NPEPPS: variants seen among roughly 807,000 people sequenced by gnomAD.
NPEPPS encodes the protein puromycin-sensitive aminopeptidase.
A neutral mutation model predicts 115.5 loss-of-function variants in NPEPPS; 14 were observed. The observed-to-expected ratio is 0.12, with a 90% CI of 0.08 to 0.19. The LOEUF (loss-of-function observed/expected upper bound fraction) is 0.19, where lower values mean the gene tolerates loss of function less well. NPEPPS is among the 10% of genes least tolerant of loss of function. The probability of loss-of-function intolerance (pLI) is 1.00; values close to 1 mark genes in which losing one functional copy is unlikely to be tolerated. For synonymous variants in NPEPPS, 285 were observed against 390.6 expected (o/e 0.73, Z 3.19); for missense variants, 523 against 1,110.8 (o/e 0.47, Z 7.52).
intron 1 of NPEPPS, among the ~76,000 whole-genome samples, chr17:47,540,113 T>C (rs573873733): frequency 9.9e-5 from 15 of 152,246 alleles, no homozygotes; most frequent in African/African-American, 3.4e-4. Flanking sequence ...AAACTTCCAT[T>C]GTAAAGTTGT....
rs540218032 is a variant in NPEPPS at position 47,572,658 on chromosome 17, G to A, written c.418+3164G>A. On this transcript the variant is annotated intron_variant, in intron 3 of 22. Transcript: ENST00000322157. The stretch of plus-strand genomic sequence containing the variant: ...TAAAAGTGTTAAAAGATGAAGTTGA[G>A]GAAACTTCTAAGCAGTAGAAAAAAC... 2.0e-5 allele frequency among the ~76,000 whole-genome samples: 3 copies of A among 152,202 alleles called. No individual in the cohort carries two copies. The East Asian group carries it at 5.8e-4, about 29-fold the overall frequency.
upstream of NPEPPS, among the ~76,000 whole-genome samples, chr17:47,527,345 G>A (rs1350422699): frequency 2.0e-5 from 3 of 149,274 alleles, no homozygotes; most frequent in African/African-American, 4.9e-5. Flanking sequence ...ATTAACGGGT[G>A]TGGTGGTGGG....
In NPEPPS at chr17:47,575,069, A is replaced by G. The variant is rs576273768; in HGVS notation, c.419-4321A>G. On this transcript the variant is annotated intron_variant, in intron 3 of 22. Transcript: ENST00000322157. The stretch of plus-strand genomic sequence containing the variant: ...GCACTTTTAACCACCACATTGTGCT[A>G]TCTTTATTTTTCAAATTAAATATTT... 3.9e-5 allele frequency among the ~76,000 whole-genome samples: 6 copies of G among 152,368 alleles called. No homozygotes were observed. The South Asian group carries it at 1.0e-3, about 26-fold the overall frequency.
At chr17:47,595,092 A>T (rs1192927065) in intron 12 of NPEPPS, among the ~76,000 whole-genome samples, 1 of 151,442 alleles carries the variant, frequency 6.6e-6, no homozygotes, top group Non-Finnish European at 1.5e-5. Context: ...CACCATGCCC[A>T]GCTAATTTTT....
At chr17:47,555,119 C>A (rs1909914326) in intron 2 of NPEPPS, among the ~76,000 whole-genome samples, 1 of 152,050 alleles carries the variant, frequency 6.6e-6, no homozygotes, top group Non-Finnish European at 1.5e-5. Context: ...TTATGGGTAA[C>A]AAAATTATTT....
intron 2 of NPEPPS, among the ~76,000 whole-genome samples, chr17:47,554,397 T>C (rs1164480962): frequency 7.9e-5 from 12 of 152,100 alleles, no homozygotes; most frequent in African/African-American, 2.9e-4. Flanking sequence ...GCAGAGTCTC[T>C]GTTGCCCAGG....
chr17:47,542,675 C>T (rs1450708522), intron 1 of NPEPPS, among the ~76,000 whole-genome samples: 4 of 152,140 alleles, frequency 2.6e-5, no homozygotes, highest in Non-Finnish European at 5.9e-5. Flanking sequence ...TGCACAGCTT[C>T]CACATGGCTT....
intron 1 of NPEPPS, among the ~76,000 whole-genome samples, chr17:47,538,526 CTTTTTTTTTTT>C (rs1029993473): frequency 1.1e-4 from 11 of 104,420 alleles, no homozygotes; most frequent in African/African-American, 3.8e-4. Flanking sequence ...TATCTGTTTT[CTTTTTTTTTTT>C]TTTTTTTTTG....
At chr17:47,604,361 A>C (rs1357998421) in intron 16 of NPEPPS, among the ~76,000 whole-genome samples, 2 of 152,204 alleles carry the variant, frequency 1.3e-5, no homozygotes, top group Non-Finnish European at 2.9e-5. Flanking sequence ...TAGGTTTTTA[A>C]AATAATTAAG....
chr17:47,598,046 G>A (rs1488279541), intron 13 of NPEPPS, among the ~76,000 whole-genome samples: 1 of 152,180 alleles, frequency 6.6e-6, no homozygotes, highest in African/African-American at 2.4e-5. Flanking sequence ...CTGCACTTGG[G>A]ACTAGTCTTG....
rs962290689 is a variant in NPEPPS, at chr17:47,619,900, G to A, written c.2607+116G>A. On this transcript the variant is annotated intron_variant, in intron 22 of 22. Coordinates refer to ENST00000322157, the MANE Select transcript of NPEPPS (RefSeq NM_006310.4). ...TAGCATCTCTGTGTTTTTGTTTAGA[G>A]AAAGACATCATGCAGGGCTGTATAG... is the stretch of plus-strand genomic sequence containing the variant. The A allele has an allele frequency of 1.6e-5, 14 of 878,710 alleles. No homozygotes were observed. In the African/African-American group the frequency reaches 2.3e-4, roughly 15 times the overall value. 54.4% of individuals were successfully genotyped at this position (878,710 alleles called of 1,614,324 possible). A position where few individuals can be genotyped will look rare whatever the true frequency, so the allele number is the denominator to read the frequency against.
At chr17:47,550,082 A>C (rs1442436056) in intron 2 of NPEPPS, among the ~76,000 whole-genome samples, 3 of 150,544 alleles carry the variant, frequency 2.0e-5, no homozygotes, top group South Asian at 2.1e-4. Flanking sequence ...CTATAGGCGC[A>C]CGCTGCCACG....
intron 2 of NPEPPS, among the ~76,000 whole-genome samples, chr17:47,567,175 CTAAT>C (rs1181019504): frequency 6.6e-6 from 1 of 152,214 alleles, no homozygotes; most frequent in Non-Finnish European, 1.5e-5. Context: ...TGTAGTCTAG[CTAAT>C]TAACATTTGA....
chr17:47,616,419 C>T (rs1381300515), intron 19 of NPEPPS, among the ~76,000 whole-genome samples: 2 of 152,006 alleles, frequency 1.3e-5, no homozygotes, highest in Non-Finnish European at 2.9e-5. Context: ...CGCGGTGGCT[C>T]ACGCCTGCAA....
At chr17:47,579,044 T>C (rs1255628933) in intron 3 of NPEPPS, among the ~76,000 whole-genome samples, 4 of 152,210 alleles carry the variant, frequency 2.6e-5, no homozygotes, top group East Asian at 1.9e-4. Context: ...TAAATAGTTA[T>C]ATATATTTTA....
chr17:47,602,155 TGTAAAATTCCTTAGTTG>T (rs902501083), intron 15 of NPEPPS, among the ~76,000 whole-genome samples: 2 of 152,194 alleles, frequency 1.3e-5, no homozygotes, highest in African/African-American at 4.8e-5. Context: ...GTCACTGAAA[TGTAAAATTCCTTAGTTG>T]GTATTTCAAA....
At chr17:47,553,503 GTC>G (rs1408845519) in intron 2 of NPEPPS, among the ~76,000 whole-genome samples, 1 of 152,074 alleles carries the variant, frequency 6.6e-6, no homozygotes, top group African/African-American at 2.4e-5. Context: ...AATGGAGTAA[GTC>G]TGTCATATGG....
rs553354797 is a variant in NPEPPS, at chr17:47,589,531, T to C, written c.1096-1186T>C. 8.5e-5 allele frequency among the ~76,000 whole-genome samples: 13 copies of C among 152,294 alleles called. No individual in the cohort carries two copies. The East Asian group carries it at 1.9e-3, about 23-fold the overall frequency. On this transcript the variant is annotated intron_variant, in intron 9 of 22. Transcript: ENST00000322157. ...CTTCCTGCCTTGACCTCCCAGAGTA[T>C]TGGCATTACAGGAGCAAGCCATTGT... is the stretch of plus-strand genomic sequence containing the variant.
intron 3 of NPEPPS, among the ~76,000 whole-genome samples, chr17:47,575,203 T>C (rs1240908633): frequency 6.6e-6 from 1 of 152,200 alleles, no homozygotes; most frequent in East Asian, 1.9e-4. Flanking sequence ...CAGAATGAAA[T>C]GAAATTTTCC....
Sources: gnomAD v4.1 joint callset for allele counts (sites outside exome capture counted in the v4.1 genomes callset) on GRCh38, gnomAD v4.1.1 for gene constraint, MANE v1.5 for transcripts, NCBI Gene and HGNC (gene_info 2026-07-23, HGNC 2026-07-21) for gene names.